Variants in ADCY9 observed in about 807,000 individuals in gnomAD.
ADCY9 encodes adenylate cyclase type 9.
A neutral mutation model predicts 101.5 loss-of-function variants in ADCY9; 50 were observed. The observed-to-expected ratio is 0.49, with a 90% CI of 0.39 to 0.62. The LOEUF is 0.62. ADCY9 is among the 20% of genes least tolerant of loss of function. The pLI is 0.00. For missense variants in ADCY9, 1,662 were observed against 1,800.4 expected (o/e 0.92, Z 1.39); for synonymous variants, 905 against 769.3 (o/e 1.18, Z -2.92).
chr16:4,030,219 A>G (rs1382219526), intron 2 of ADCY9, among the ~76,000 whole-genome samples: 1 of 152,208 alleles, frequency 6.6e-6, no homozygotes, highest in East Asian at 1.9e-4. Flanking sequence ...GTAAGTATTC[A>G]CAGGGATTAT....
intron 2 of ADCY9, among the ~76,000 whole-genome samples, chr16:4,060,773 C>T (rs559611852): frequency 4.6e-5 from 7 of 152,112 alleles, no homozygotes; most frequent in South Asian, 2.1e-4. Flanking sequence ...GTTGCTACAA[C>T]GTATTAACTA....
intron 3 of ADCY9, among the ~76,000 whole-genome samples, chr16:3,993,839 A>G (rs1027699396): frequency 2.4e-4 from 36 of 152,352 alleles, no homozygotes; most frequent in African/African-American, 7.9e-4. Context: ...CTGCCACAGC[A>G]TGGTGAACCT....
At chr16:4,081,759 G>T (rs560976127) in intron 2 of ADCY9, among the ~76,000 whole-genome samples, 1 of 148,578 alleles carries the variant, frequency 6.7e-6, no homozygotes, top group Non-Finnish European at 1.5e-5. Context: ...AGGGTGTAAC[G>T]GTGGGTGGGG....
intron 2 of ADCY9, among the ~76,000 whole-genome samples, chr16:4,079,006 G>A (rs1484556695): frequency 2.6e-5 from 4 of 152,058 alleles, no homozygotes; most frequent in South Asian, 2.1e-4. Context: ...ATATTTCATC[G>A]AGTCTAAGAT....
rs147926948 is a variant in ADCY9 at position 3,984,425 on chromosome 16, C to T, written c.2311-985G>A. On this transcript the variant is annotated intron_variant, in intron 6 of 10. Coordinates refer to ENST00000294016, the MANE Select transcript of ADCY9 (RefSeq NM_001116.4). ...TTCGGCAATTGAGGGGGAGAAATAA[C>T]GATGCTGACACGTCCAAGAGGTGAC... 7.6e-3 allele frequency among the ~76,000 whole-genome samples: 1,154 copies of T among 152,260 alleles called. 7 individuals are homozygous for T. The highest frequency in any genetic ancestry group is 0.023 in the African/African-American group (971 of 41,542).
At chr16:4,065,114 T>C (rs549941573) in intron 2 of ADCY9, among the ~76,000 whole-genome samples, 2 of 152,340 alleles carry the variant, frequency 1.3e-5, no homozygotes, top group South Asian at 4.1e-4. Context: ...AACTGGCTCA[T>C]GTGCCAGACC....
At chr16:4,002,124 A>G (rs2056335253) in intron 3 of ADCY9, among the ~76,000 whole-genome samples, 4 of 152,334 alleles carry the variant, frequency 2.6e-5, no homozygotes, top group East Asian at 1.9e-4. Flanking sequence ...TTTAAAGTAT[A>G]TAACTCCAGG....
At chr16:4,102,172 G>T (rs544841752) in intron 2 of ADCY9, among the ~76,000 whole-genome samples, 1 of 152,190 alleles carries the variant, frequency 6.6e-6, no homozygotes, top group East Asian at 1.9e-4. Flanking sequence ...GTCCACCATC[G>T]AGTCACTATG....
chr16:4,077,199 G>C (rs2056873170), intron 2 of ADCY9, among the ~76,000 whole-genome samples: 1 of 152,178 alleles, frequency 6.6e-6, no homozygotes, highest in Admixed American at 6.5e-5. Flanking sequence ...GGAAGTTACA[G>C]TTTTGTTCAA....
At chr16:4,019,887 G>A (rs897164658) in intron 2 of ADCY9, among the ~76,000 whole-genome samples, 2 of 152,174 alleles carry the variant, frequency 1.3e-5, no homozygotes, top group African/African-American at 4.8e-5. Flanking sequence ...AGACCAGCCT[G>A]GCCAACATGG....
At chr16:4,042,964 G>C (rs1325152836) in intron 2 of ADCY9, among the ~76,000 whole-genome samples, 2 of 152,238 alleles carry the variant, frequency 1.3e-5, no homozygotes, top group Admixed American at 1.3e-4. Context: ...GGGCGCAGTG[G>C]CTCACGCCTG....
chr16:3,977,497 G>C lies in ADCY9; in HGVS notation c.2813C>G (p.Ser938Cys). The C allele has an allele frequency of 6.4e-7, 1 of 1,569,418 alleles. No individual in the cohort carries two copies. The highest frequency in any genetic ancestry group is 1.3e-5 in the African/African-American group (1 of 74,170). The change falls in exon 9 of 11, where the codon TCC becomes TGC. Residue 938 changes from serine to cysteine, a missense_variant. Around this residue, in one of 5 missense-constraint regions of ADCY9, gnomAD observed 624 missense variants for 639.1 expected, o/e 0.98. Coordinates refer to ENST00000294016, the MANE Select transcript of ADCY9 (RefSeq NM_001116.4). ...GGCCGCGTACCTGTCTGGGCACAGG[G>C]AGACGTAGAGCAGGAGCAGCGGCCC... ...GAGPLLLLYV[S>C]LCPDSSVLTS...
intron 2 of ADCY9, among the ~76,000 whole-genome samples, chr16:4,100,761 AAAG>A (rs2057037884): frequency 6.7e-6 from 1 of 149,344 alleles, no homozygotes; most frequent in Non-Finnish European, 1.5e-5. Context: ...AAAAAAAAGA[AAAG>A]AAAAAAACAA....
chr16:4,065,766 G>A (rs1242052138), intron 2 of ADCY9, among the ~76,000 whole-genome samples: 6 of 152,058 alleles, frequency 3.9e-5, no homozygotes, highest in South Asian at 2.1e-4. Flanking sequence ...GCGGGGTTTC[G>A]CCATGTTGGC....
At chr16:4,015,587 T>C (rs2056433447) in intron 2 of ADCY9, 1 of 151,808 alleles carries the variant, frequency 6.6e-6, no homozygotes. Context: ...GGGCTAAGGG[T>C]TGAAAGAAAT....
chr16:4,042,768 A>G (rs1597186533), intron 2 of ADCY9, among the ~76,000 whole-genome samples: 1 of 152,338 alleles, frequency 6.6e-6, no homozygotes, highest in South Asian at 2.1e-4. Context: ...GTGTTCCAAG[A>G]GGTTTTTATT....
At chr16:3,974,100 G>A (rs2056074079) in intron 10 of ADCY9, among the ~76,000 whole-genome samples, 1 of 152,288 alleles carries the variant, frequency 6.6e-6, no homozygotes, top group Middle Eastern at 3.4e-3. Flanking sequence ...GGAGTGCAGT[G>A]GCACAATCTT....
chr16:3,988,267 G>A (rs2056211342), intron 6 of ADCY9, among the ~76,000 whole-genome samples: 1 of 152,110 alleles, frequency 6.6e-6, no homozygotes, highest in Non-Finnish European at 1.5e-5. Context: ...GGTTAAGGCG[G>A]TGGGGGCGGG....
intron 2 of ADCY9, among the ~76,000 whole-genome samples, chr16:4,037,268 T>C (rs978811713): frequency 5.3e-5 from 8 of 152,132 alleles, no homozygotes; most frequent in Non-Finnish European, 1.2e-4. Context: ...CAGTGAGCTA[T>C]GATTGTGCCA....
Sources: allele counts gnomAD v4.1 joint callset (sites outside exome capture counted in the v4.1 genomes callset), GRCh38; gene constraint gnomAD v4.1.1; regional missense constraint gnomAD v4.1.1; transcripts MANE v1.5; gene names NCBI Gene and HGNC (gene_info 2026-07-23, HGNC 2026-07-21).